CDK5RAP2: variants seen among roughly 807,000 people sequenced by gnomAD.
The protein encoded by CDK5RAP2 is CDK5 regulatory subunit associated protein 2.
Under a neutral mutation model 232.9 loss-of-function variants are expected in CDK5RAP2, and 147 were observed. That is an observed-to-expected ratio of 0.63 (90% CI 0.55 to 0.72). The LOEUF is 0.72. Among genes scored for constraint, CDK5RAP2 ranks in the 30% least tolerant of loss-of-function variants. CDK5RAP2 has a pLI of 0.00. For synonymous variants in CDK5RAP2, 833 were observed against 833.7 expected, an observed-to-expected ratio of 1.00 and a Z score of 0.01; for missense variants, 2,195 against 2,231.5, an observed-to-expected ratio of 0.98 and a Z score of 0.33.
At chr9:120,563,318 T>C (rs1178180954) in intron 3 of CDK5RAP2, among the ~76,000 whole-genome samples, 1 of 152,128 alleles carries the variant, frequency 6.6e-6, no homozygotes, top group Non-Finnish European at 1.5e-5. Flanking sequence ...AGGAATATGC[T>C]GAGTTCAGAA....
intron 36 of CDK5RAP2, among the ~76,000 whole-genome samples, chr9:120,391,712 T>C (rs962313368): frequency 4.6e-5 from 7 of 152,198 alleles, no homozygotes; most frequent in African/African-American, 1.4e-4. Context: ...TGAGAAGGTA[T>C]GGTGTCAGTT....
intron 25 of CDK5RAP2, among the ~76,000 whole-genome samples, chr9:120,428,519 A>C (rs907236065): frequency 7.9e-5 from 12 of 152,354 alleles, no homozygotes; most frequent in South Asian, 2.1e-4. Context: ...GAAATGGATA[A>C]ATTCCTCGAC....
intron 1 of CDK5RAP2, among the ~76,000 whole-genome samples, chr9:120,574,176 T>G (rs1203007948): frequency 6.6e-6 from 1 of 152,168 alleles, no homozygotes; most frequent in African/African-American, 2.4e-5. Context: ...ACAAAACCAC[T>G]ATGTAATGCA....
At chr9:120,394,295 G>A (rs1160126774) in intron 36 of CDK5RAP2, among the ~76,000 whole-genome samples, 6 of 152,156 alleles carry the variant, frequency 3.9e-5, no homozygotes, top group South Asian at 2.1e-4. Context: ...CCAGTGAGAC[G>A]ACAGTCCCTG....
chr9:120,460,959 G>A (rs887017927), intron 18 of CDK5RAP2, among the ~76,000 whole-genome samples: 8 of 152,170 alleles, frequency 5.3e-5, no homozygotes, highest in African/African-American at 1.9e-4. Flanking sequence ...CTGAGCTGCC[G>A]TAAATTAAAA....
chr9:120,467,790 C>T lies in CDK5RAP2; in HGVS notation c.2106+70G>A, dbSNP rs1019776749. The T allele has an allele frequency of 1.4e-5, 22 of 1,540,248 alleles. No homozygotes were observed. In the Admixed American group the frequency reaches 2.9e-4, roughly 20 times the overall value. On this transcript the variant is annotated intron_variant, in intron 18 of 37. Transcript: ENST00000349780. ...CCTCCCAAAGTGCTGGGATTACAGG[C>T]GTGAGCCACCATACCAAGCCGGTTG...
At chr9:120,554,015 A>G (rs2042137509) in intron 3 of CDK5RAP2, among the ~76,000 whole-genome samples, 1 of 152,246 alleles carries the variant, frequency 6.6e-6, no homozygotes, top group South Asian at 2.1e-4. Context: ...GGTTAAGTAA[A>G]TTATAGTATG....
chr9:120,565,593 C>T lies in CDK5RAP2; in HGVS notation c.195+2728G>A, dbSNP rs185542337. Reference sequence around the variant, plus strand: ...CTCTCCACTCCCCTCACACAGCCTCCTTCCAGCCAGTAAGTTCAGGGAACT... The same window carrying T: ...CTCTCCACTCCCCTCACACAGCCTCTTTCCAGCCAGTAAGTTCAGGGAACT... On this transcript the variant is annotated intron_variant, in intron 3 of 37. Coordinates refer to ENST00000349780, the MANE Select transcript of CDK5RAP2 (RefSeq NM_018249.6). 4.3e-3 allele frequency among the ~76,000 whole-genome samples: 649 copies of T among 152,310 alleles called. 5 individuals carry two copies. The highest frequency in any genetic ancestry group is 0.015 in the African/African-American group (621 of 41,562).
intron 4 of CDK5RAP2, among the ~76,000 whole-genome samples, chr9:120,548,706 G>T (rs1268305990): frequency 1.3e-5 from 2 of 152,152 alleles, no homozygotes; most frequent in Non-Finnish European, 2.9e-5. Flanking sequence ...CAACTACTCA[G>T]GAGACTGAGG....
intron 20 of CDK5RAP2, among the ~76,000 whole-genome samples, chr9:120,457,038 G>A (rs1298844998): frequency 6.6e-6 from 1 of 152,128 alleles, no homozygotes; most frequent in East Asian, 1.9e-4. Context: ...AGGTATAAGG[G>A]GAGAGGAACT....
intron 25 of CDK5RAP2, among the ~76,000 whole-genome samples, chr9:120,428,867 T>C (rs2035094442): frequency 6.6e-6 from 1 of 152,212 alleles, no homozygotes; most frequent in African/African-American, 2.4e-5. Context: ...AATAAAATAC[T>C]GGCAAACCGA....
At chr9:120,477,509 A>G in intron 14 of CDK5RAP2, 59 bp from the exon 15 acceptor site, 4 of 1,252,902 alleles carry the variant, frequency 3.2e-6, no homozygotes, top group Non-Finnish European at 4.7e-6. Flanking sequence ...GTACATCCTT[A>G]TATTATGCAA....
At chr9:120,532,948 T>C (rs1406033596) in intron 7 of CDK5RAP2, among the ~76,000 whole-genome samples, 1 of 152,118 alleles carries the variant, frequency 6.6e-6, no homozygotes, top group African/African-American at 2.4e-5. Context: ...TAAGCTTCTG[T>C]GGCACATGCT....
intron 7 of CDK5RAP2, chr9:120,532,463 A>C (rs2131936526): frequency 6.6e-6 from 1 of 152,320 alleles, no homozygotes; most frequent in Admixed American, 6.5e-5. Context: ...TAAAGATTCA[A>C]TACCTTGCCC....
rs900049837 is a variant in CDK5RAP2 at position 120,533,929 on chromosome 9, TCTC to T, written c.662+2440_662+2442del. The stretch of plus-strand genomic sequence containing the variant: ...ACATCCACTCTACCTTCTAGCCTGT[TCTC>T]CTCCATTCCCAGCTCTGTCACCTCC... On this transcript the variant is annotated intron_variant, in intron 7 of 37. Transcript: ENST00000349780. 5.9e-5 allele frequency among the ~76,000 whole-genome samples: 9 copies of T among 151,970 alleles called. No homozygotes were observed. The South Asian group carries it at 1.5e-3, about 25-fold the overall frequency.
At chr9:120,441,329 C>G (rs1258224465) in intron 23 of CDK5RAP2, among the ~76,000 whole-genome samples, 1 of 152,118 alleles carries the variant, frequency 6.6e-6, no homozygotes, top group Admixed American at 6.5e-5. Context: ...CCTCTCTGAG[C>G]TTTAGTAGCT....
intron 7 of CDK5RAP2, among the ~76,000 whole-genome samples, chr9:120,531,205 T>C (rs1220706285): frequency 3.3e-5 from 5 of 151,982 alleles, no homozygotes; most frequent in African/African-American, 1.2e-4. Flanking sequence ...GACTGTTTCA[T>C]GCCTCTACAC....
Position 120,419,928 on chromosome 9 carries a change from A to G in CDK5RAP2, c.4037T>C (p.Leu1346Pro). The G allele has an allele frequency of 6.2e-7, 1 of 1,614,036 alleles. No individual in the cohort carries two copies. Residue 1346 changes from leucine to proline, a missense_variant, in exon 27 of 38, where the codon CTT becomes CCT. By Grantham distance (98) the Leu-to-Pro change is moderately conservative. Transcript: ENST00000349780. ...IEEDNLTYQH[L>P]LPESPEPSAS... ...TGAAGGCTCAGGAGATTCAGGCAGA[A>G]GATGTTGGTAGGTTAAGTTGTCTTC...
chr9:120,392,884 T>C (rs1303989359), intron 36 of CDK5RAP2, among the ~76,000 whole-genome samples: 3 of 152,212 alleles, frequency 2.0e-5, no homozygotes, highest in African/African-American at 2.4e-5. Flanking sequence ...CCCGGCCTCC[T>C]GGCCCCTCCA....
Sources: allele counts gnomAD v4.1 joint callset (sites outside exome capture counted in the v4.1 genomes callset), GRCh38; gene constraint gnomAD v4.1.1; transcripts MANE v1.5; gene names NCBI Gene and HGNC (gene_info 2026-07-23, HGNC 2026-07-21).